The following ELMO1 variants were observed in gnomAD, a reference collection of about 807,000 sequenced individuals.
The protein encoded by ELMO1 is engulfment and cell motility protein 1.
ELMO1 carries 26 observed loss-of-function variants against 98.9 expected under a neutral mutation model. The ratio of observed to expected loss-of-function variants is 0.26; its 90% CI spans 0.19 to 0.36. The LOEUF (loss-of-function observed/expected upper bound fraction) is 0.36. ELMO1 is among the 10% of genes least tolerant of loss of function. ELMO1 has a pLI of 1.00. For synonymous variants in ELMO1, 346 were observed against 346.0 expected (o/e 1.00, Z 0.00); for missense variants, 627 against 935.2 (o/e 0.67, Z 4.30).
At chr7:37,316,863 C>A (rs1799197820) in intron 2 of ELMO1, among the ~76,000 whole-genome samples, 1 of 152,144 alleles carries the variant, frequency 6.6e-6, no homozygotes, top group South Asian at 2.1e-4. Flanking sequence ...GCAGGTTTTA[C>A]TCCTGTCTAT....
chr7:37,110,666 A>T (rs553641082), intron 14 of ELMO1, among the ~76,000 whole-genome samples: 121 of 152,302 alleles, frequency 7.9e-4, no homozygotes, highest in South Asian at 1.5e-3. Flanking sequence ...AGTTCCCTTT[A>T]AAATCATTTC....
intron 7 of ELMO1, among the ~76,000 whole-genome samples, chr7:37,243,235 C>T (rs1428175377): frequency 6.6e-6 from 1 of 152,168 alleles, no homozygotes; most frequent in Non-Finnish European, 1.5e-5. Context: ...ATTTTGGCTT[C>T]AGGGCCCCAA....
intron 13 of ELMO1, among the ~76,000 whole-genome samples, chr7:37,197,471 G>A (rs990485175): frequency 2.0e-5 from 3 of 152,184 alleles, no homozygotes; most frequent in Admixed American, 1.3e-4. Flanking sequence ...CTCCTCTCCC[G>A]AGGTCACATC....
At chr7:37,351,435 GA>G (rs1801263733) in intron 1 of ELMO1, among the ~76,000 whole-genome samples, 1 of 152,192 alleles carries the variant, frequency 6.6e-6, no homozygotes, top group Non-Finnish European at 1.5e-5. Context: ...AGCTGAAGCT[GA>G]AGCTGTCTGC....
intron 21 of ELMO1, among the ~76,000 whole-genome samples, chr7:36,861,186 G>A (rs1203797561): frequency 4.6e-5 from 7 of 152,184 alleles, no homozygotes; most frequent in Non-Finnish European, 1.0e-4. Context: ...ATAACAAGAT[G>A]TCAGAAAGGA....
chr7:36,870,287 A>G lies in ELMO1; in HGVS notation c.1905+106T>C. 1.1e-6 allele frequency: 1 copy of G among 893,590 alleles called. No homozygotes were observed. Among genetic ancestry groups the G allele is most frequent in the Non-Finnish European group, 1.8e-6 (1 of 557,654 alleles). The allele number at this position is 893,590 out of a possible 1,614,324, so 55.4% of individuals were successfully genotyped here. On this transcript the variant is annotated intron_variant, in intron 20 of 21. Transcript: ENST00000310758. The surrounding 1 kb of genome is among the most constrained non-coding windows in gnomAD (Gnocchi z 4.4). ...GAGCTGAATAAGAGATGTGTGTCTGAACACACGCACACACACGAACACTGC... is the reference window on the plus strand; with the variant it reads ...GAGCTGAATAAGAGATGTGTGTCTGGACACACGCACACACACGAACACTGC...
At chr7:37,429,325 A>C (rs1306094246) in intron 1 of ELMO1, 1 of 152,250 alleles carries the variant, frequency 6.6e-6, no homozygotes, top group Non-Finnish European at 1.5e-5. Context: ...GGTGCTGCAG[A>C]CTAAGGGATG....
intron 14 of ELMO1, among the ~76,000 whole-genome samples, chr7:37,114,747 TA>T (rs200532646): frequency 1.3e-4 from 19 of 149,372 alleles, no homozygotes; most frequent in Non-Finnish European, 7.4e-5. Context: ...AGAAAAGAAG[TA>T]AAAAAAAATA....
intron 13 of ELMO1, among the ~76,000 whole-genome samples, chr7:37,172,085 A>G (rs185704660): frequency 6.6e-5 from 10 of 152,374 alleles, no homozygotes; most frequent in African/African-American, 2.2e-4. Context: ...GAGTTATCAG[A>G]GCCTCCAATG....
At chr7:36,883,022 C>T (rs558155655) in intron 18 of ELMO1, among the ~76,000 whole-genome samples, 1 of 152,122 alleles carries the variant, frequency 6.6e-6, no homozygotes, top group Non-Finnish European at 1.5e-5. Flanking sequence ...AAAGGAATGA[C>T]CTGCTCCCCA....
chr7:37,158,880 A>T (rs2129327026), intron 13 of ELMO1, among the ~76,000 whole-genome samples: 1 of 152,342 alleles, frequency 6.6e-6, no homozygotes, highest in East Asian at 1.9e-4. Context: ...CACTATTCGC[A>T]ATAGCAAGAC....
At chr7:37,432,473 G>T (rs1013815730) in intron 1 of ELMO1, among the ~76,000 whole-genome samples, 1 of 152,168 alleles carries the variant, frequency 6.6e-6, no homozygotes, top group Non-Finnish European at 1.5e-5. Flanking sequence ...TGTGCTACTT[G>T]GCTTATAAGA....
At chr7:37,219,099 C>T (rs1793454287) in intron 10 of ELMO1, among the ~76,000 whole-genome samples, 1 of 152,156 alleles carries the variant, frequency 6.6e-6, no homozygotes, top group South Asian at 2.1e-4. Context: ...TCCGTTTGTG[C>T]CAGGAAACTG....
intron 6 of ELMO1, among the ~76,000 whole-genome samples, chr7:37,251,560 C>T (rs2130751581): frequency 6.6e-6 from 1 of 152,232 alleles, no homozygotes; most frequent in East Asian, 1.9e-4. Context: ...GATTTTATTT[C>T]TCCTTCACTT....
chr7:37,033,042 C>G (rs1201640139), intron 15 of ELMO1, among the ~76,000 whole-genome samples: 3 of 152,178 alleles, frequency 2.0e-5, no homozygotes, highest in African/African-American at 7.2e-5. Flanking sequence ...AATCATATTT[C>G]TGAATGTGTT....
intron 3 of ELMO1, 90 bp from the exon 4 acceptor site, chr7:37,315,012 T>A: frequency 1.7e-6 from 2 of 1,181,644 alleles, no homozygotes; most frequent in Non-Finnish European, 2.4e-6. Context: ...CTAAGCACCC[T>A]GTGATTGGAA....
At chr7:37,026,881 C>T (rs922426766) in intron 15 of ELMO1, among the ~76,000 whole-genome samples, 6 of 152,306 alleles carry the variant, frequency 3.9e-5, no homozygotes, top group Admixed American at 3.9e-4. Context: ...GCATCCTTCA[C>T]GGCTCTCACA....
Position 37,070,974 on chromosome 7 carries a change from C to A in ELMO1, c.1300+25645G>T, listed in dbSNP as rs376437592. ...ATTTACTTTCACCACATTCCCCCAC[C>A]GATTATCCTCCACCAACTGAGAACT... is the stretch of plus-strand genomic sequence containing the variant. On this transcript the variant is annotated intron_variant, in intron 15 of 21. Transcript: ENST00000310758. Among the ~76,000 whole-genome samples the A allele has an allele frequency of 2.6e-5, 4 of 152,110 alleles. No homozygotes were observed. In the East Asian group the frequency reaches 7.7e-4, roughly 29 times the overall value.
At chr7:37,127,438 A>C (rs980902615) in intron 14 of ELMO1, among the ~76,000 whole-genome samples, 1 of 152,200 alleles carries the variant, frequency 6.6e-6, no homozygotes, top group African/African-American at 2.4e-5. Flanking sequence ...AGGCTACAGA[A>C]CTGGAAGAAG....
Sources: gnomAD v4.1 joint callset for allele counts (sites outside exome capture counted in the v4.1 genomes callset) on GRCh38, gnomAD v4.1.1 for gene constraint, Gnocchi (gnomAD v3.1) non-coding constraint, MANE v1.5 for transcripts, NCBI Gene and HGNC (gene_info 2026-07-23, HGNC 2026-07-21) for gene names.